The following SLC13A4 variants were observed in gnomAD, a reference collection of about 807,000 sequenced individuals.
The protein encoded by SLC13A4 is Na(+)/sulfate cotransporter SUT-1.
SLC13A4 carries 28 observed loss-of-function variants against 72.7 expected under a neutral mutation model. The ratio of observed to expected loss-of-function variants is 0.39; its 90% CI spans 0.29 to 0.53. The LOEUF (loss-of-function observed/expected upper bound fraction) is 0.53. Ranked by LOEUF, SLC13A4 falls within the 20% of genes least tolerant of loss-of-function variation. The pLI is 0.78. For synonymous variants in SLC13A4, 312 were observed against 325.5 expected (o/e 0.96, Z 0.45); for missense variants, 653 against 788.0 (o/e 0.83, Z 2.05).
At chr7:135,696,742 C>T (rs1387789937) in intron 8 of SLC13A4, among the ~76,000 whole-genome samples, 3 of 152,336 alleles carry the variant, frequency 2.0e-5, no homozygotes. Flanking sequence ...CCTCAACTCA[C>T]CAGAATCTGG....
At chr7:135,702,972 G>C in intron 5 of SLC13A4, 88 bp from the exon 6 acceptor site, 3 of 949,318 alleles carry the variant, frequency 3.2e-6, no homozygotes, top group Non-Finnish European at 5.2e-6. Flanking sequence ...TTTGGTGTAA[G>C]GGACTTAAAC....
At chr7:135,725,346 G>A (rs62489510) in intron 1 of SLC13A4, among the ~76,000 whole-genome samples, 5,443 of 152,210 alleles carry the variant, frequency 0.036, 111 homozygotes, top group Middle Eastern at 0.085. Flanking sequence ...GACTGGGGGC[G>A]CCTTTTAAAA....
At chr7:135,698,267 A>C (rs1795948999) in intron 8 of SLC13A4, among the ~76,000 whole-genome samples, 1 of 150,058 alleles carries the variant, frequency 6.7e-6, no homozygotes, top group African/African-American at 2.5e-5. Context: ...TCCTGACCTC[A>C]AGTGATCCGC....
At chr7:135,718,113 T>TCC (rs1796472845) in intron 2 of SLC13A4, among the ~76,000 whole-genome samples, 15 of 150,622 alleles carry the variant, frequency 1.0e-4, no homozygotes, top group Admixed American at 9.2e-4. Flanking sequence ...GCGTGCGCGC[T>TCC]AGTCTCCTCT....
intron 8 of SLC13A4, among the ~76,000 whole-genome samples, chr7:135,697,554 G>A (rs948897578): frequency 5.3e-5 from 8 of 150,078 alleles, no homozygotes; most frequent in Non-Finnish European, 1.0e-4. Context: ...TTGCCTTCCT[G>A]CTGTCTGGTT....
At chr7:135,718,862 G>A (rs1476149679) in intron 2 of SLC13A4, among the ~76,000 whole-genome samples, 11 of 152,200 alleles carry the variant, frequency 7.2e-5, no homozygotes, top group Non-Finnish European at 1.5e-4. Context: ...ATAGGTGGTT[G>A]TGGAATAGGT....
In SLC13A4 at chr7:135,708,185, G is replaced by A. The variant is rs143840777; in HGVS notation, c.294C>T (p.Ala98=). ...LLVGVICVAA[A]VEKWNLHKRI... The stretch of plus-strand genomic sequence containing the variant: ...GCTTATGCAGGTTCCACTTCTCCAC[G>A]GCAGCCGCCACGCAGATGACCCCCA... The change falls in exon 3 of 16, where the codon GCC becomes GCT. Residue 98 remains alanine, a synonymous_variant. Coordinates refer to ENST00000682651, the MANE Select transcript of SLC13A4 (RefSeq NM_001318192.2). 182 of 1,614,182 alleles carry A rather than the reference G, an allele frequency of 1.1e-4. No homozygotes were observed. The highest frequency in any genetic ancestry group is 1.4e-4 in the Non-Finnish European group (171 of 1,180,026).
intron 9 of SLC13A4, 136 bp downstream of exon 9, chr7:135,695,232 A>G: frequency 8.6e-7 from 1 of 1,160,344 alleles, no homozygotes; most frequent in South Asian, 1.5e-5. Flanking sequence ...CTCAGACCAG[A>G]CCACTGCATT....
intron 1 of SLC13A4, among the ~76,000 whole-genome samples, chr7:135,726,568 C>T (rs376234617): frequency 6.5e-5 from 6 of 92,508 alleles, no homozygotes; most frequent in South Asian, 3.7e-4. Context: ...AAGAGAACAG[C>T]GGAGGGAAGG....
intron 2 of SLC13A4, among the ~76,000 whole-genome samples, chr7:135,715,395 A>G (rs1440497821): frequency 7.7e-6 from 1 of 130,278 alleles, no homozygotes; most frequent in East Asian, 2.3e-4. Flanking sequence ...GTATGTGTGA[A>G]CATGTGTGTA....
At chr7:135,696,853 A>G (rs1011957568) in intron 8 of SLC13A4, among the ~76,000 whole-genome samples, 1 of 152,196 alleles carries the variant, frequency 6.6e-6, no homozygotes, top group African/African-American at 2.4e-5. Context: ...ACTTTGCATC[A>G]TCATTCATTG....
rs968225969 is a variant in SLC13A4, at chr7:135,719,781, A to ATGTGTGTGTGTGTGTGTGTG, written c.228+1594_228+1613dup. Among the ~76,000 whole-genome samples the ATGTGTGTGTGTGTGTGTGTG allele has an allele frequency of 4.2e-3, 611 of 146,080 alleles. 6 individuals carry two copies. Among genetic ancestry groups the ATGTGTGTGTGTGTGTGTGTG allele is most frequent in the African/African-American group, 0.015 (580 of 39,076 alleles). Reference sequence around the variant, plus strand: ...TGAGGCTATGGCTACTCAATGCCACATGTGTGTGTGTGTGTGTGTGTATGT... The same window carrying ATGTGTGTGTGTGTGTGTGTG: ...TGAGGCTATGGCTACTCAATGCCACATGTGTGTGTGTGTGTGTGTGTGTGTGTGTGTGTGTGTGTGTATGT... On this transcript the variant is annotated intron_variant, in intron 2 of 15. Transcript: ENST00000682651.
intron 15 of SLC13A4, chr7:135,683,483 C>A (rs550644675): frequency 3.0e-6 from 3 of 984,016 alleles, no homozygotes; most frequent in African/African-American, 3.5e-5. Context: ...ATCCTCTCCC[C>A]CCCCGCTCAG....
chr7:135,706,439 C>T (rs766035921), intron 3 of SLC13A4, 139 bp from the exon 4 acceptor site: 1 of 785,834 alleles, frequency 1.3e-6, no homozygotes, highest in Non-Finnish European at 2.0e-6. Flanking sequence ...TGCAGGGTGC[C>T]ATTCAGCTCT....
At chr7:135,694,856 T>C (rs1795866418) in intron 9 of SLC13A4, among the ~76,000 whole-genome samples, 1 of 152,222 alleles carries the variant, frequency 6.6e-6, no homozygotes, top group African/African-American at 2.4e-5. Context: ...CAAAACATTA[T>C]ATTATCTTCC....
At chr7:135,709,430 A>ATTTTTTTT (rs760725826) in intron 2 of SLC13A4, among the ~76,000 whole-genome samples, 4 of 105,768 alleles carry the variant, frequency 3.8e-5, no homozygotes, top group East Asian at 5.1e-4. Flanking sequence ...TTTTTTAAAA[A>ATTTTTTTT]AAAATTTGAG....
At chr7:135,704,263 C>T (rs1404662252) in intron 5 of SLC13A4, 1 of 152,370 alleles carries the variant, frequency 6.6e-6, no homozygotes, top group Non-Finnish European at 1.5e-5. Flanking sequence ...GAGTGTTAAT[C>T]CCAGAGCAAG....
chr7:135,727,500 G>T lies in SLC13A4; in HGVS notation c.-4C>A. On this transcript the variant is annotated 5_prime_UTR_variant, in exon 1 of 16. Coordinates refer to ENST00000682651, the MANE Select transcript of SLC13A4 (RefSeq NM_001318192.2). ...GCAGGCCCTGCAGCAGGCCCATCGC[G>T]CCTCTGTCCTCTCCAGCTCGTCCTT... 6.5e-7 allele frequency: 1 copy of T among 1,549,284 alleles called. No individual in the cohort carries two copies. The highest frequency in any genetic ancestry group is 1.4e-5 in the African/African-American group (1 of 73,150).
At chr7:135,692,772 A>G (rs574095511) in intron 10 of SLC13A4, 7 of 212,972 alleles carry the variant, frequency 3.3e-5, no homozygotes, top group African/African-American at 1.6e-4. Context: ...AACCTTTTTG[A>G]GGCCATTTGA....
Sources: gnomAD v4.1 joint callset for allele counts (sites outside exome capture counted in the v4.1 genomes callset) on GRCh38, gnomAD v4.1.1 for gene constraint, MANE v1.5 for transcripts, NCBI Gene and HGNC (gene_info 2026-07-23, HGNC 2026-07-21) for gene names.